Variants in ARHGAP21 observed in about 807,000 individuals in gnomAD.
ARHGAP21 encodes rho GTPase-activating protein 21.
A neutral mutation model predicts 164.6 loss-of-function variants in ARHGAP21; 38 were observed. That is an observed-to-expected ratio of 0.23 (90% CI 0.18 to 0.30). The LOEUF (loss-of-function observed/expected upper bound fraction) is 0.30. ARHGAP21 is among the 10% of genes least tolerant of loss of function. The probability of loss-of-function intolerance (pLI) is 1.00; values close to 1 mark genes in which losing one functional copy is unlikely to be tolerated. For missense variants in ARHGAP21, 1,822 were observed against 2,370.7 expected, an observed-to-expected ratio of 0.77 and a Z score of 4.81; for synonymous variants, 766 against 857.9, an observed-to-expected ratio of 0.89 and a Z score of 1.87.
intron 2 of ARHGAP21, among the ~76,000 whole-genome samples, chr10:24,715,777 G>T (rs553411601): frequency 6.6e-6 from 1 of 152,308 alleles, no homozygotes; most frequent in Admixed American, 6.5e-5. Context: ...GGAGGATGAG[G>T]TGGGTGGATC....
chr10:24,666,158 T>A (rs1417650963), intron 4 of ARHGAP21, among the ~76,000 whole-genome samples: 2 of 152,086 alleles, frequency 1.3e-5, no homozygotes, highest in Admixed American at 6.6e-5. Flanking sequence ...GCCTCCTGAG[T>A]AGCTGGGATT....
chr10:24,679,458 G>C lies in ARHGAP21; in HGVS notation c.64-9061C>G, dbSNP rs1055828941. 2.0e-5 allele frequency among the ~76,000 whole-genome samples: 3 copies of C among 152,188 alleles called. No homozygotes were observed. The South Asian group carries it at 6.2e-4, about 31-fold the overall frequency. On this transcript the variant is annotated intron_variant, in intron 2 of 25. Coordinates refer to ENST00000396432, the MANE Select transcript of ARHGAP21 (RefSeq NM_020824.4). ...CCTAAAACCATCACCTTGAGGGTTTGGGTGTCAACATATAAATTTTTGGAG... is the reference window on the plus strand; with the variant it reads ...CCTAAAACCATCACCTTGAGGGTTTCGGTGTCAACATATAAATTTTTGGAG...
chr10:24,597,945 C>T lies in ARHGAP21; in HGVS notation c.3197G>A (p.Ser1066Asn). ...RRIKEYNNLM[S>N]KAEQLPKTPR... ...ACTGCAGGCAAGGTGGGATTCTCAC[C>T]TCATCAGATTGTTGTATTCTTTTAT... is the stretch of plus-strand genomic sequence containing the variant. The change falls in exon 15 of 26, where the codon AGC becomes AAC. Residue 1066 changes from serine (S) to asparagine (N), a missense_variant and splice_region_variant. This residue lies in a region of ARHGAP21 where 1,090 missense variants were observed against 1,378.9 expected (regional missense o/e 0.79). Coordinates refer to ENST00000396432, the MANE Select transcript of ARHGAP21 (RefSeq NM_020824.4). The T allele has an allele frequency of 6.2e-7, 1 of 1,612,916 alleles. No homozygotes were observed. The highest frequency in any genetic ancestry group is 8.5e-7 in the Non-Finnish European group (1 of 1,179,248).
intron 24 of ARHGAP21, chr10:24,590,940 T>TAA (rs901265529): frequency 7.8e-4 from 575 of 738,544 alleles, no homozygotes; most frequent in Non-Finnish European, 8.3e-4. Flanking sequence ...AACTGTGAAT[T>TAA]AAAAAAAAAA....
At chr10:24,597,903 A>G (rs1192093649) in intron 15 of ARHGAP21, 42 bp downstream of exon 15, 2 of 1,581,382 alleles carry the variant, frequency 1.3e-6, no homozygotes, top group Non-Finnish European at 1.7e-6. Context: ...GACTGTACTG[A>G]TTTTATATCC....
chr10:24,699,334 T>C (rs1843440492), intron 2 of ARHGAP21, among the ~76,000 whole-genome samples: 1 of 152,054 alleles, frequency 6.6e-6, no homozygotes, highest in South Asian at 2.1e-4. Flanking sequence ...ATTATTATTA[T>C]TATTTTTTTG....
intron 2 of ARHGAP21, among the ~76,000 whole-genome samples, chr10:24,710,088 G>A (rs1844634274): frequency 6.6e-6 from 1 of 152,130 alleles, no homozygotes; most frequent in Non-Finnish European, 1.5e-5. Context: ...ACTAACTTGA[G>A]TACATTGAAA....
chr10:24,618,065 T>C (rs1487356835), intron 9 of ARHGAP21, among the ~76,000 whole-genome samples: 1 of 152,170 alleles, frequency 6.6e-6, no homozygotes, highest in African/African-American at 2.4e-5. Context: ...TACTATGCGA[T>C]TTTAGAGATG....
At chr10:24,676,159 AC>A (rs1841219340) in intron 2 of ARHGAP21, among the ~76,000 whole-genome samples, 1 of 152,214 alleles carries the variant, frequency 6.6e-6, no homozygotes, top group Non-Finnish European at 1.5e-5. Context: ...GGGGGAAAAA[AC>A]AAAAAACCCT....
intron 2 of ARHGAP21, among the ~76,000 whole-genome samples, chr10:24,715,126 G>A (rs1350409041): frequency 6.6e-6 from 1 of 152,112 alleles, no homozygotes; most frequent in East Asian, 1.9e-4. Flanking sequence ...GTTTTAAGCA[G>A]TGTAGGTTTG....
chr10:24,587,854 T>C (rs145185059), intron 25 of ARHGAP21, among the ~76,000 whole-genome samples: 1 of 152,362 alleles, frequency 6.6e-6, no homozygotes, highest in African/African-American at 2.4e-5. Flanking sequence ...AGAGACTGTT[T>C]GTTAGAAGTA....
intron 4 of ARHGAP21, among the ~76,000 whole-genome samples, chr10:24,664,644 TTTAA>T (rs1187394077): frequency 2.6e-5 from 4 of 151,972 alleles, no homozygotes; most frequent in Non-Finnish European, 5.9e-5. Flanking sequence ...TGAATGTCAA[TTTAA>T]TTAATTTTTT....
chr10:24,621,222 A>G lies in ARHGAP21; in HGVS notation c.673T>C (p.Ser225Pro), dbSNP rs1186171989. Residue 225 changes from serine (S) to proline (P), a missense_variant, in exon 9 of 26, where the codon TCA becomes CCA. Ser to Pro is a moderately conservative substitution (Grantham distance 74). Transcript: ENST00000396432. ...AQPVEISPPDSSLSKQQTSTP... is the reference protein window; with the variant it reads ...AQPVEISPPDPSLSKQQTSTP... Reference sequence around the variant, plus strand: ...CTGGTTTGCTGTTTGCTCAATGATGAGTCAGGAGGAGATATTTCAACTGGC... The same window carrying G: ...CTGGTTTGCTGTTTGCTCAATGATGGGTCAGGAGGAGATATTTCAACTGGC... 2 of 1,613,792 alleles carry G rather than the reference A, an allele frequency of 1.2e-6. No homozygotes were observed. Among genetic ancestry groups the G allele is most frequent in the African/African-American group, 2.7e-5 (2 of 74,890 alleles).
At chr10:24,699,563 G>C (rs1285314692) in intron 2 of ARHGAP21, among the ~76,000 whole-genome samples, 1 of 152,144 alleles carries the variant, frequency 6.6e-6, no homozygotes, top group African/African-American at 2.4e-5. Context: ...GACCTCAGGT[G>C]ATCGGCTCAC....
chr10:24,594,120 TTC>T (rs2130809787), intron 21 of ARHGAP21, among the ~76,000 whole-genome samples: 1 of 152,360 alleles, frequency 6.6e-6, no homozygotes, highest in South Asian at 2.1e-4. Context: ...GCTTGTGGTA[TTC>T]TTTTATTTTC....
At chr10:24,693,704 C>G (rs1429583180) in intron 2 of ARHGAP21, among the ~76,000 whole-genome samples, 1 of 152,062 alleles carries the variant, frequency 6.6e-6, no homozygotes, top group African/African-American at 2.4e-5. Context: ...ACCCTCATCC[C>G]TCTCCCCCAT....
At chr10:24,711,041 C>A (rs1844736167) in intron 2 of ARHGAP21, among the ~76,000 whole-genome samples, 1 of 143,408 alleles carries the variant, frequency 7.0e-6, no homozygotes, top group African/African-American at 2.6e-5. Context: ...TTGCAGTGAT[C>A]CAAGATCGCG....
rs574499279 is a variant in ARHGAP21 at position 24,700,291 on chromosome 10, G to A, written c.63+21546C>T. ...TTTCCCTGTGCCATTTCCAGCTGAT[G>A]TCTTATACACAAGGTGATGAGTGTG... On this transcript the variant is annotated intron_variant, in intron 2 of 25. Coordinates refer to ENST00000396432, the MANE Select transcript of ARHGAP21 (RefSeq NM_020824.4). Among the ~76,000 whole-genome samples the A allele has an allele frequency of 3.9e-5, 6 of 152,250 alleles. No individual in the cohort carries two copies. The South Asian group carries it at 1.2e-3, about 32-fold the overall frequency.
At position 24,621,223 on chromosome 10, in the gene ARHGAP21, G is replaced by C. The variant is rs201264537; in HGVS notation, c.672C>G (p.Asp224Glu). The C allele has an allele frequency of 9.3e-6, 15 of 1,613,836 alleles. No individual in the cohort carries two copies. The highest frequency in any genetic ancestry group is 1.7e-5 in the Admixed American group (1 of 59,988). Residue 224 changes from aspartate to glutamate, a missense_variant, in exon 9 of 26, where the codon GAC (aspartate) becomes GAG (glutamate). By Grantham distance (45) the Asp-to-Glu change is conservative. Transcript: ENST00000396432. ...TGGTTTGCTGTTTGCTCAATGATGA[G>C]TCAGGAGGAGATATTTCAACTGGCT... The part of the protein sequence containing the change: ...MAQPVEISPP[D>E]SSLSKQQTST...
Sources: gnomAD v4.1 joint callset for allele counts (sites outside exome capture counted in the v4.1 genomes callset) on GRCh38, gnomAD v4.1.1 for gene constraint, gnomAD v4.1.1 regional missense constraint, MANE v1.5 for transcripts, NCBI Gene and HGNC (gene_info 2026-07-23, HGNC 2026-07-21) for gene names.